The following MAP2K4 variants were observed in gnomAD, a reference collection of about 807,000 sequenced individuals.
The protein encoded by MAP2K4 is dual specificity mitogen-activated protein kinase kinase 4.
MAP2K4 carries 4 observed loss-of-function variants against 48.5 expected under a neutral mutation model. The ratio of observed to expected loss-of-function variants is 0.08; its 90% CI spans 0.04 to 0.19. The LOEUF is 0.19. Among genes scored for constraint, MAP2K4 ranks in the 10% least tolerant of loss-of-function variants. The pLI is 1.00. For synonymous variants in MAP2K4, 166 were observed against 173.1 expected (o/e 0.96, Z 0.32); for missense variants, 258 against 493.3 (o/e 0.52, Z 4.52).
intron 3 of MAP2K4, among the ~76,000 whole-genome samples, chr17:12,095,211 C>T (rs950630073): frequency 2.6e-5 from 4 of 152,172 alleles, no homozygotes; most frequent in African/African-American, 9.6e-5. Flanking sequence ...ATGTATACAG[C>T]TACCTATAAT....
chr17:12,124,892 G>A, intron 7 of MAP2K4: 1 of 177,606 alleles, frequency 5.6e-6, no homozygotes, highest in East Asian at 1.4e-4. Context: ...AGCCAGGATG[G>A]TCTCGATCTG....
intron 2 of MAP2K4, among the ~76,000 whole-genome samples, chr17:12,057,088 A>G (rs528768928): frequency 6.6e-6 from 1 of 152,214 alleles, no homozygotes; most frequent in East Asian, 1.9e-4. Context: ...ATCCTTTGCA[A>G]GATTAAAAAA....
chr17:12,071,958 T>C (rs755904056), intron 2 of MAP2K4, among the ~76,000 whole-genome samples: 6 of 152,224 alleles, frequency 3.9e-5, no homozygotes, highest in Non-Finnish European at 8.8e-5. Context: ...AAGTCTCATT[T>C]ACTGTATTTG....
intron 2 of MAP2K4, among the ~76,000 whole-genome samples, chr17:12,062,766 G>A (rs1050825495): frequency 6.6e-6 from 1 of 152,116 alleles, no homozygotes; most frequent in Non-Finnish European, 1.5e-5. Context: ...ACTTTAAAAG[G>A]TTAGATGTGA....
intron 1 of MAP2K4, among the ~76,000 whole-genome samples, chr17:12,047,823 A>G (rs1970015618): frequency 6.6e-6 from 1 of 152,196 alleles, no homozygotes; most frequent in South Asian, 2.1e-4. Flanking sequence ...TTTAAGATAT[A>G]TTAATCCTTA....
chr17:12,119,919 T>G (rs1972628900), intron 7 of MAP2K4, among the ~76,000 whole-genome samples: 1 of 152,034 alleles, frequency 6.6e-6, no homozygotes, highest in Admixed American at 6.6e-5. Context: ...GAACAGAAAA[T>G]CAAATACCAC....
At chr17:12,038,187 A>C (rs1191723175) in intron 1 of MAP2K4, among the ~76,000 whole-genome samples, 2 of 152,128 alleles carry the variant, frequency 1.3e-5, no homozygotes, top group Non-Finnish European at 2.9e-5. Flanking sequence ...AGTATTCCCA[A>C]CTGAATCCAG....
intron 4 of MAP2K4, among the ~76,000 whole-genome samples, chr17:12,099,340 T>C (rs1158161955): frequency 6.6e-6 from 1 of 152,188 alleles, no homozygotes; most frequent in Non-Finnish European, 1.5e-5. Flanking sequence ...TACATAGTGC[T>C]GCCATAAGCA....
chr17:12,055,707 T>C (rs1438575554), intron 2 of MAP2K4, among the ~76,000 whole-genome samples: 1 of 152,064 alleles, frequency 6.6e-6, no homozygotes, highest in East Asian at 1.9e-4. Context: ...GAGGCACTTT[T>C]ATTGCTATTT....
At chr17:12,063,610 C>T (rs1970520462) in intron 2 of MAP2K4, among the ~76,000 whole-genome samples, 1 of 151,938 alleles carries the variant, frequency 6.6e-6, no homozygotes, top group Admixed American at 6.6e-5. Flanking sequence ...ACAAAGAAAC[C>T]ACTAAAAAAT....
chr17:12,096,101 A>G (rs1257155245), intron 4 of MAP2K4, among the ~76,000 whole-genome samples: 1 of 52,452 alleles, frequency 1.9e-5, no homozygotes, highest in Non-Finnish European at 3.8e-5. Flanking sequence ...CGCCAACTTT[A>G]TATTTTAACT....
At chr17:12,082,426 A>G (rs1357931974) in intron 3 of MAP2K4, among the ~76,000 whole-genome samples, 6 of 152,218 alleles carry the variant, frequency 3.9e-5, no homozygotes, top group Non-Finnish European at 8.8e-5. Context: ...AAAATGTTTC[A>G]GTTTACAAGA....
chr17:12,126,846 T>G (rs1972869988), intron 8 of MAP2K4, among the ~76,000 whole-genome samples: 2 of 152,340 alleles, frequency 1.3e-5, no homozygotes, highest in African/African-American at 4.8e-5. Flanking sequence ...TGGGATAGCT[T>G]CTTTAGCTGC....
intron 2 of MAP2K4, among the ~76,000 whole-genome samples, chr17:12,066,132 CTTTCT>C (rs1970610016): frequency 7.1e-6 from 1 of 140,798 alleles, no homozygotes; most frequent in Non-Finnish European, 1.6e-5. Context: ...TTGTTTCTTT[CTTTCT>C]TTTTTTTTTT....
chr17:12,092,412 A>T (rs1971591186), intron 3 of MAP2K4, among the ~76,000 whole-genome samples: 1 of 152,152 alleles, frequency 6.6e-6, no homozygotes, highest in African/African-American at 2.4e-5. Flanking sequence ...ATGCTCCTTT[A>T]ATGTTAGAAG....
chr17:12,090,713 CAAAA>C (rs1406850662), intron 3 of MAP2K4, among the ~76,000 whole-genome samples: 1 of 152,108 alleles, frequency 6.6e-6, no homozygotes, highest in African/African-American at 2.4e-5. Flanking sequence ...AACAAACAAA[CAAAA>C]AGTCACCATT....
intron 10 of MAP2K4, 122 bp from the exon 11 acceptor site, chr17:12,141,025 G>T: frequency 1.5e-6 from 1 of 659,638 alleles, no homozygotes. Context: ...TTGTAGTGTT[G>T]CGGTATTTCA....
At chr17:12,074,968 A>G (rs373094347) in intron 2 of MAP2K4, among the ~76,000 whole-genome samples, 1 of 151,958 alleles carries the variant, frequency 6.6e-6, no homozygotes, top group South Asian at 2.1e-4. Flanking sequence ...TGTTTTAGGT[A>G]TGAGGGTAAG....
At chr17:12,116,360 G>T (rs1484511505) in intron 7 of MAP2K4, among the ~76,000 whole-genome samples, 1 of 152,122 alleles carries the variant, frequency 6.6e-6, no homozygotes, top group Non-Finnish European at 1.5e-5. Context: ...TGAATTTGCA[G>T]GCCTAGGATG....
Sources: gnomAD v4.1 joint callset for allele counts (sites outside exome capture counted in the v4.1 genomes callset) on GRCh38, gnomAD v4.1.1 for gene constraint, MANE v1.5 for transcripts, NCBI Gene and HGNC (gene_info 2026-07-23, HGNC 2026-07-21) for gene names.